SLC5A4: variants seen among roughly 807,000 people sequenced by gnomAD.
The protein encoded by SLC5A4 is solute carrier family 5 member 4, also known as probable glucose sensor protein SLC5A4.
SLC5A4 carries 55 observed loss-of-function variants against 70.3 expected under a neutral mutation model. The observed-to-expected ratio is 0.78, with a 90% CI of 0.63 to 0.98. SLC5A4 has a LOEUF of 0.98. Ranked by LOEUF, SLC5A4 falls within the 50% of genes least tolerant of loss-of-function variation. The pLI is 0.00. For synonymous variants in SLC5A4, 268 were observed against 305.7 expected, an observed-to-expected ratio of 0.88 and a Z score of 1.29; for missense variants, 735 against 839.2, an observed-to-expected ratio of 0.88 and a Z score of 1.53.
At chr22:32,350,546 T>G in the SLC5A4 span, among the ~76,000 whole-genome samples, 1 of 152,218 alleles carries the variant, frequency 6.6e-6, no homozygotes, top group Non-Finnish European at 1.5e-5. Context: ...GAGACTGTGA[T>G]GCCTTTAGTC....
chr22:32,313,387 A>G, the SLC5A4 span, among the ~76,000 whole-genome samples: 13 of 152,220 alleles, frequency 8.5e-5, no homozygotes, highest in African/African-American at 2.7e-4. Flanking sequence ...CACCCTTGCT[A>G]TAACAAACTA....
chr22:32,320,310 C>T, the SLC5A4 span, among the ~76,000 whole-genome samples: 41,095 of 152,010 alleles, frequency 0.27, 5,712 homozygotes, highest in South Asian at 0.42. Context: ...GGCAATTTGA[C>T]ACATGCCTAC....
At chr22:32,270,684 C>A in the SLC5A4 span, 3 of 696,664 alleles carry the variant, frequency 4.3e-6, no homozygotes, top group East Asian at 7.9e-5. Context: ...TGGGCATCCA[C>A]CTGCTGGAAG....
chr22:32,339,735 C>T, the SLC5A4 span, among the ~76,000 whole-genome samples: 3 of 152,188 alleles, frequency 2.0e-5, no homozygotes, highest in Non-Finnish European at 4.4e-5. Context: ...ACCAACCATG[C>T]ACCCCAACAA....
At chr22:32,344,194 A>T in the SLC5A4 span, among the ~76,000 whole-genome samples, 5 of 152,166 alleles carry the variant, frequency 3.3e-5, no homozygotes, top group African/African-American at 1.2e-4. Flanking sequence ...TGTGATATCC[A>T]CAAAGAAATG....
At chr22:32,309,105 G>A in the SLC5A4 span, among the ~76,000 whole-genome samples, 2 of 146,100 alleles carry the variant, frequency 1.4e-5, no homozygotes, top group Non-Finnish European at 3.1e-5. Context: ...TACAGGTGAG[G>A]TGGGTGAGCA....
chr22:32,310,495 T>G, the SLC5A4 span, among the ~76,000 whole-genome samples: 2 of 129,850 alleles, frequency 1.5e-5, no homozygotes, highest in Non-Finnish European at 3.4e-5. Flanking sequence ...GTGCACCCCC[T>G]TATGGCAACA....
At chr22:32,339,072 G>C in the SLC5A4 span, among the ~76,000 whole-genome samples, 3 of 152,124 alleles carry the variant, frequency 2.0e-5, no homozygotes, top group African/African-American at 7.2e-5. Context: ...ATGGTATTTA[G>C]AAAGGTCAGG....
chr22:32,246,273 T>G (rs1926823306), intron 5 of SLC5A4, among the ~76,000 whole-genome samples: 1 of 152,168 alleles, frequency 6.6e-6, no homozygotes, highest in African/African-American at 2.4e-5. Context: ...TTGGGAAGGC[T>G]CATGCCATCT....
intron 9 of SLC5A4, 129 bp downstream of exon 9, chr22:32,232,770 C>T: frequency 1.7e-6 from 2 of 1,185,614 alleles, no homozygotes; most frequent in Non-Finnish European, 2.4e-6. Context: ...GTGCAGGCTG[C>T]TCCCTCCACC....
intron 1 of SLC5A4, 105 bp downstream of exon 1, chr22:32,255,090 A>G: frequency 1.9e-6 from 2 of 1,046,266 alleles, no homozygotes; most frequent in Non-Finnish European, 2.9e-6. Context: ...CTGATAACAC[A>G]ATGACATTTG....
At chr22:32,275,321 C>G in the SLC5A4 span, among the ~76,000 whole-genome samples, 7 of 152,066 alleles carry the variant, frequency 4.6e-5, no homozygotes, top group African/African-American at 1.7e-4. Flanking sequence ...TGTGCTGCAC[C>G]CATTAACTCG....
In SLC5A4 at chr22:32,229,200, GC is replaced by G; in HGVS notation, c.1273del (p.Ala425LeufsTer9). The G allele has an allele frequency of 1.9e-6, 3 of 1,613,940 alleles. No homozygotes were observed. Among genetic ancestry groups the G allele is most frequent in the Non-Finnish European group, 2.5e-6 (3 of 1,179,882 alleles). ...GGAACCAGGGTTCACTCACCGTCCA[GC>G]TATCAGGAGCTCTTTCTCCGACGCT... is the stretch of plus-strand genomic sequence containing the variant. ...KQASEKELLI[A>X]GRIFVLLLTV... On this transcript the variant is annotated frameshift_variant, in exon 11 of 15. Coordinates refer to ENST00000266086, the MANE Select transcript of SLC5A4 (RefSeq NM_014227.3). LOFTEE classifies it high-confidence loss of function.
At chr22:32,220,095 T>C (rs1053375801) in intron 14 of SLC5A4, among the ~76,000 whole-genome samples, 1 of 151,716 alleles carries the variant, frequency 6.6e-6, no homozygotes, top group Non-Finnish European at 1.5e-5. Context: ...ATACCAAAAT[T>C]CAATGGCAAC....
chr22:32,346,285 T>C, the SLC5A4 span, among the ~76,000 whole-genome samples: 1 of 152,194 alleles, frequency 6.6e-6, no homozygotes, highest in Non-Finnish European at 1.5e-5. Context: ...GCTTTCATAA[T>C]CCAGATAATC....
rs539716961 is a variant in SLC5A4 at position 32,229,439 on chromosome 22, A to G, written c.1130-95T>C. The G allele has an allele frequency of 7.7e-6, 10 of 1,304,096 alleles. No individual in the cohort carries two copies. The African/African-American group carries it at 1.3e-4, about 17-fold the overall frequency. 80.8% of individuals were successfully genotyped at this position (1,304,096 alleles called of 1,614,324 possible). On this transcript the variant is annotated intron_variant, in intron 10 of 14. Transcript: ENST00000266086. ...AAAGGTTAAAAGTATCATCTGGAAC[A>G]TAGGTTAACTGATGTCCTTATCAAT...
chr22:32,352,838 CG>C, the SLC5A4 span, among the ~76,000 whole-genome samples: 5 of 152,254 alleles, frequency 3.3e-5, no homozygotes, highest in South Asian at 1.0e-3. Flanking sequence ...GCCATCCTAC[CG>C]CTCTGGTGCT....
the SLC5A4 span, among the ~76,000 whole-genome samples, chr22:32,330,509 T>C: frequency 1.3e-4 from 16 of 123,336 alleles, no homozygotes; most frequent in Non-Finnish European, 2.5e-4. Context: ...GGTGTGTATG[T>C]GTTGGGGGCT....
At chr22:32,324,814 A>G in the SLC5A4 span, among the ~76,000 whole-genome samples, 7 of 152,316 alleles carry the variant, frequency 4.6e-5, no homozygotes, top group East Asian at 1.4e-3. Context: ...CAGCAGGGCT[A>G]TCACTCCTGT....
Sources: allele counts gnomAD v4.1 joint callset (sites outside exome capture counted in the v4.1 genomes callset), GRCh38; gene constraint gnomAD v4.1.1; transcripts MANE v1.5; gene names NCBI Gene and HGNC (gene_info 2026-07-23, HGNC 2026-07-21).